SEMA6B: variants seen among roughly 807,000 people sequenced by gnomAD.
The protein encoded by SEMA6B is semaphorin 6B.
A neutral mutation model predicts 78.6 loss-of-function variants in SEMA6B; 47 were observed. That is an observed-to-expected ratio of 0.60 (90% CI 0.47 to 0.76). The LOEUF (loss-of-function observed/expected upper bound fraction) is 0.76. Ranked by LOEUF, SEMA6B falls within the 30% of genes least tolerant of loss-of-function variation. The probability of loss-of-function intolerance (pLI) is 0.00; values close to 1 mark genes in which losing one functional copy is unlikely to be tolerated. For synonymous variants in SEMA6B, 632 were observed against 592.2 expected, an observed-to-expected ratio of 1.07 and a Z score of -0.98; for missense variants, 1,213 against 1,269.9, an observed-to-expected ratio of 0.96 and a Z score of 0.68.
chr19:4,556,769 T>A (rs1057279052), intron 5 of SEMA6B, among the ~76,000 whole-genome samples, 182 bp downstream of exon 5: 2 of 117,510 alleles, frequency 1.7e-5, no homozygotes, highest in Admixed American at 1.1e-4. Flanking sequence ...GACGTGGACG[T>A]GGCCATGGCT....
chr19:4,556,388 C>T (rs879566664), intron 5 of SEMA6B, among the ~76,000 whole-genome samples: 2 of 151,840 alleles, frequency 1.3e-5, no homozygotes, highest in Non-Finnish European at 2.9e-5. Context: ...TGGTCACGGC[C>T]GATTGGGGTG....
chr19:4,545,340 CAAA>C (rs552554036), intron 16 of SEMA6B, among the ~76,000 whole-genome samples: 6 of 113,948 alleles, frequency 5.3e-5, no homozygotes, highest in Admixed American at 8.8e-5. Context: ...GACTCTGTCT[CAAA>C]AAAAAAAAAA....
rs971887538 is a variant in SEMA6B at position 4,558,996 on chromosome 19, C to G, written c.-32-507G>C. Among the ~76,000 whole-genome samples the G allele has an allele frequency of 6.6e-6, 1 of 151,972 alleles. No homozygotes were observed. Among genetic ancestry groups the G allele is most frequent in the African/African-American group, 2.4e-5 (1 of 41,398 alleles). ...ATCATCTGAGGTCAGGAGTTCAAGACCGGCCTGCCTAACATAGCGAAACCC... is the reference window on the plus strand; with the variant it reads ...ATCATCTGAGGTCAGGAGTTCAAGAGCGGCCTGCCTAACATAGCGAAACCC... On this transcript the variant is annotated intron_variant, in intron 1 of 16. Transcript: ENST00000586582. This position sits in a 1 kb window ranked among gnomAD's most constrained non-coding sequence, Gnocchi z 5.1.
intron 12 of SEMA6B, among the ~76,000 whole-genome samples, chr19:4,549,877 T>C (rs779111231): frequency 2.0e-5 from 3 of 152,126 alleles, no homozygotes; most frequent in Non-Finnish European, 4.4e-5. Flanking sequence ...CCTCCCAAAG[T>C]GCTGGGATTA....
rs767987328 is a variant in SEMA6B at position 4,544,512 on chromosome 19, G to A, written c.1756C>T (p.Leu586Phe). The A allele has an allele frequency of 6.5e-7, 1 of 1,548,658 alleles. No individual in the cohort carries two copies. Among genetic ancestry groups the A allele is most frequent in the South Asian group, 1.2e-5 (1 of 84,740 alleles). ...GDCTGLLRASLSEDRAGLVSV... is the reference protein window; with the variant it reads ...GDCTGLLRASFSEDRAGLVSV... The stretch of plus-strand genomic sequence containing the variant: ...ACCAGCCCCGCGCGGTCCTCGGAGA[G>A]GCTGGCCCGCAGGAGTCCTGGCCGG... The change falls in exon 17 of 17, where the codon CTC becomes TTC. Residue 586 changes from leucine (L) to phenylalanine (F), a missense_variant. Leu to Phe is a conservative substitution (Grantham distance 22, BLOSUM62 0). Transcript: ENST00000586582. This position sits in a 1 kb window ranked among gnomAD's most constrained non-coding sequence, Gnocchi z 5.1.
chr19:4,555,697 C>A lies in SEMA6B; in HGVS notation c.472-133G>T, dbSNP rs554466026. On this transcript the variant is annotated intron_variant, in intron 6 of 16. Coordinates refer to ENST00000586582, the MANE Select transcript of SEMA6B (RefSeq NM_032108.4). The surrounding 1 kb of genome is among the most constrained non-coding windows in gnomAD (Gnocchi z 6.1). ...TGTGTGACCTTGGCCACTCACTTAACCTCTCAGGGCCTCAGTTTACTGATC... is the reference window on the plus strand; with the variant it reads ...TGTGTGACCTTGGCCACTCACTTAAACTCTCAGGGCCTCAGTTTACTGATC... The A allele has an allele frequency of 2.7e-6, 2 of 737,964 alleles. No individual in the cohort carries two copies. Among genetic ancestry groups the A allele is most frequent in the South Asian group, 3.1e-5 (2 of 64,176 alleles). The allele number at this position is 737,964 out of a possible 1,614,324, so 45.7% of individuals were successfully genotyped here. A position where few individuals can be genotyped will look rare whatever the true frequency, so the allele number is the denominator to read the frequency against.
chr19:4,543,307 A>C lies in SEMA6B; in HGVS notation c.*294T>G. The C allele has an allele frequency of 2.2e-6, 1 of 459,964 alleles. No individual in the cohort carries two copies. Among genetic ancestry groups the C allele is most frequent in the Non-Finnish European group, 3.8e-6 (1 of 261,014 alleles). The allele number at this position is 459,964 out of a possible 1,614,324, so 28.5% of individuals were successfully genotyped here. On this transcript the variant is annotated 3_prime_UTR_variant, in exon 17 of 17. Coordinates refer to ENST00000586582, the MANE Select transcript of SEMA6B (RefSeq NM_032108.4). ...CAATTGGTTAGAAAACCGCAAAAGA[A>C]ACCAAAACTGCAAAAAAAACCAAAA... is the stretch of plus-strand genomic sequence containing the variant.
In SEMA6B at chr19:4,548,093, G is replaced by A. The variant is rs1362202249; in HGVS notation, c.1535C>T (p.Ala512Val). ...TCGGACCACGCAGCGGGGGAAGGCAGCCAGCAGGCCCCCCGAAGCTGCGTC... is the reference window on the plus strand; with the variant it reads ...TCGGACCACGCAGCGGGGGAAGGCAACCAGCAGGCCCCCCGAAGCTGCGTC... ...ELDAASGGLL[A>V]AFPRCVVRVP... is the part of the protein sequence containing the mutation. Residue 512 changes from alanine (A) to valine (V), a missense_variant, in exon 14 of 17, where the codon GCT becomes GTT. Ala to Val is a moderately conservative substitution (Grantham distance 64). Transcript: ENST00000586582. 3 of 1,591,872 alleles carry A rather than the reference G, an allele frequency of 1.9e-6. No individual in the cohort carries two copies. The highest frequency in any genetic ancestry group is 3.4e-5 in the Admixed American group (2 of 58,982).
intron 5 of SEMA6B, among the ~76,000 whole-genome samples, chr19:4,556,626 C>T (rs1469175813): frequency 1.3e-5 from 2 of 151,436 alleles, no homozygotes; most frequent in Non-Finnish European, 2.9e-5. Context: ...ATGGCCTGGG[C>T]TTGTTGGAAC....
In SEMA6B at chr19:4,550,678, C is replaced by G. The variant is rs1433745025; in HGVS notation, c.1121+121G>C. On this transcript the variant is annotated intron_variant, in intron 11 of 16. Coordinates refer to ENST00000586582, the MANE Select transcript of SEMA6B (RefSeq NM_032108.4). The surrounding 1 kb of genome is among the most constrained non-coding windows in gnomAD (Gnocchi z 6.6). ...CACACCAGGCCTCAGTTTTTCCCAACTGTATAACGGGTACAGCTGAACTCA... is the reference window on the plus strand; with the variant it reads ...CACACCAGGCCTCAGTTTTTCCCAAGTGTATAACGGGTACAGCTGAACTCA... 1 of 1,280,442 alleles carries G rather than the reference C, an allele frequency of 7.8e-7. No individual in the cohort carries two copies. Among genetic ancestry groups the G allele is most frequent in the African/African-American group, 1.5e-5 (1 of 66,896 alleles). 79.3% of individuals were successfully genotyped at this position (1,280,442 alleles called of 1,614,324 possible).
chr19:4,544,321 C>G lies in SEMA6B; in HGVS notation c.1947G>C (p.Leu649=). The change falls in exon 17 of 17, where the codon CTG becomes CTC. Residue 649 remains leucine, a synonymous_variant. Transcript: ENST00000586582. The surrounding 1 kb of genome is among the most constrained non-coding windows in gnomAD (Gnocchi z 5.1). ...ILAHGAGEAV[L]SVSRLGERRA... Reference sequence around the variant, plus strand: ...TGCGCTCGCCCAGGCGGCTGACGCTCAGCACCGCCTCGCCCGCCCCGTGCG... The same window carrying G: ...TGCGCTCGCCCAGGCGGCTGACGCTGAGCACCGCCTCGCCCGCCCCGTGCG... The G allele has an allele frequency of 6.7e-7, 1 of 1,499,110 alleles. No individual in the cohort carries two copies. The highest frequency in any genetic ancestry group is 2.8e-5 in the East Asian group (1 of 35,544). 92.9% of individuals were successfully genotyped at this position (1,499,110 alleles called of 1,614,324 possible).
In SEMA6B at chr19:4,552,509, T is replaced by A. The variant is rs374969386; in HGVS notation, c.902A>T (p.Tyr301Phe). ...CGTGACAGCCTGCAGCACGTTGAAG[T>A]AGAAATGGGAGTCTCCGGGTACAGA... Reference protein sequence around the residue: ...NCSVPGDSHFYFNVLQAVTGV... With the variant: ...NCSVPGDSHFFFNVLQAVTGV... Residue 301 changes from tyrosine to phenylalanine, a missense_variant, in exon 10 of 17, where the codon TAC becomes TTC. Physicochemically the swap from Tyr to Phe is conservative, Grantham distance 22. Coordinates refer to ENST00000586582, the MANE Select transcript of SEMA6B (RefSeq NM_032108.4). The surrounding 1 kb of genome is among the most constrained non-coding windows in gnomAD (Gnocchi z 7.4). 20 of 1,612,664 alleles carry A rather than the reference T, an allele frequency of 1.2e-5. No individual in the cohort carries two copies. Among genetic ancestry groups the A allele is most frequent in the Non-Finnish European group, 1.6e-5 (19 of 1,179,874 alleles).
At position 4,555,297 on chromosome 19, in the gene SEMA6B, ATCCCGCTGAGCCTCAAT is replaced by A. The variant is rs924830989; in HGVS notation, c.562+160_562+176del. The stretch of plus-strand genomic sequence containing the variant: ...GCCCCTGACCCCGGCTAAGCCCCAA[ATCCCGCTGAGCCTCAAT>A]CCCAGCTGAGCCCCAAACCTGGGCT... On this transcript the variant is annotated intron_variant, in intron 7 of 16. Transcript: ENST00000586582. This position sits in a 1 kb window ranked among gnomAD's most constrained non-coding sequence, Gnocchi z 6.1. Among the ~76,000 whole-genome samples, 2 of 151,572 alleles carry A rather than the reference ATCCCGCTGAGCCTCAAT, an allele frequency of 1.3e-5. No individual in the cohort carries two copies. The highest frequency in any genetic ancestry group is 4.9e-5 in the African/African-American group (2 of 41,194).
rs138457850 is a variant in SEMA6B at position 4,557,432 on chromosome 19, C to G, written c.246-209G>C. On this transcript the variant is annotated intron_variant, in intron 3 of 16. Transcript: ENST00000586582. ...TCCACCTCCTGCCCGGCACGCCCCA[C>G]GGACTGCCCCCAACACCATGTCCCA... Among the ~76,000 whole-genome samples the G allele has an allele frequency of 2.0e-5, 3 of 152,318 alleles. No individual in the cohort carries two copies. The East Asian group carries it at 5.8e-4, about 29-fold the overall frequency.
At chr19:4,553,575 G>A (rs1173768745) in intron 9 of SEMA6B, among the ~76,000 whole-genome samples, 2 of 150,756 alleles carry the variant, frequency 1.3e-5, no homozygotes, top group African/African-American at 4.9e-5. Context: ...GAGATGGATG[G>A]ATAGATGAGA....
Position 4,552,720 on chromosome 19 carries a change from C to CA in SEMA6B, c.772-82dup. On this transcript the variant is annotated intron_variant, in intron 9 of 16. Transcript: ENST00000586582. The surrounding 1 kb of genome is among the most constrained non-coding windows in gnomAD (Gnocchi z 7.4). Reference sequence around the variant, plus strand: ...TTCACAGGCTGTGCCACTCACCACCCAAACTGTGATGGAGGAGTCTGACCC... The same window carrying CA: ...TTCACAGGCTGTGCCACTCACCACCCAAAACTGTGATGGAGGAGTCTGACCC... The CA allele has an allele frequency of 7.4e-7, 1 of 1,356,806 alleles. No individual in the cohort carries two copies. The highest frequency in any genetic ancestry group is 1.0e-6 in the Non-Finnish European group (1 of 991,844). 84.0% of individuals were successfully genotyped at this position (1,356,806 alleles called of 1,614,324 possible). A position where few individuals can be genotyped will look rare whatever the true frequency, so the allele number is the denominator to read the frequency against.
At chr19:4,548,481 C>T in intron 12 of SEMA6B, 36 bp from the exon 13 acceptor site, 1 of 1,579,852 alleles carries the variant, frequency 6.3e-7, no homozygotes. Flanking sequence ...AGGCTGGCCC[C>T]ATATCACCAC....
chr19:4,555,105 G>A lies in SEMA6B; in HGVS notation c.563-10C>T. 6.2e-7 allele frequency: 1 copy of A among 1,613,416 alleles called. No homozygotes were observed. The highest frequency in any genetic ancestry group is 8.5e-7 in the Non-Finnish European group (1 of 1,179,902). ...GTGAAGAGCATCCCGTCTGGATGGG[G>A]TGGGTGGGGAAGGCAGGCAAGAGAT... On this transcript the variant is annotated splice_polypyrimidine_tract_variant and intron_variant, in intron 7 of 16. Coordinates refer to ENST00000586582, the MANE Select transcript of SEMA6B (RefSeq NM_032108.4). This position sits in a 1 kb window ranked among gnomAD's most constrained non-coding sequence, Gnocchi z 6.1.
At chr19:4,549,164 T>C (rs1199488433) in intron 12 of SEMA6B, among the ~76,000 whole-genome samples, 1 of 152,028 alleles carries the variant, frequency 6.6e-6, no homozygotes, top group Non-Finnish European at 1.5e-5. Flanking sequence ...TGTGTATCTT[T>C]CAGTCTCTTT....
Sources: gnomAD v4.1 joint callset for allele counts (sites outside exome capture counted in the v4.1 genomes callset) on GRCh38, gnomAD v4.1.1 for gene constraint, Gnocchi (gnomAD v3.1) non-coding constraint, MANE v1.5 for transcripts, NCBI Gene and HGNC (gene_info 2026-07-23, HGNC 2026-07-21) for gene names.